The following SRP19 variants were observed in gnomAD, a reference collection of about 807,000 sequenced individuals.
SRP19 encodes signal recognition particle 19.
In SRP19, 11 loss-of-function variants were observed where a neutral mutation model predicts 22.4. That is an observed-to-expected ratio of 0.49 (90% CI 0.31 to 0.81). The LOEUF is 0.81. Among genes scored for constraint, SRP19 ranks in the 40% least tolerant of loss-of-function variants. SRP19 has a pLI of 0.05. For synonymous variants in SRP19, 61 were observed against 57.6 expected, an observed-to-expected ratio of 1.06 and a Z score of -0.27; for missense variants, 168 against 175.9, an observed-to-expected ratio of 0.96 and a Z score of 0.25.
In SRP19 at chr5:112,867,528, A is replaced by G. The variant is rs368517702; in HGVS notation, c.426A>G (p.Lys142=). 15 of 1,611,200 alleles carry G rather than the reference A, an allele frequency of 9.3e-6. No individual in the cohort carries two copies. Among genetic ancestry groups the G allele is most frequent in the Non-Finnish European group, 1.3e-5 (15 of 1,179,140 alleles). Residue 142 remains lysine, a synonymous_variant, in exon 5 of 5, where the codon AAA becomes AAG. Coordinates refer to ENST00000505459, the MANE Select transcript of SRP19 (RefSeq NM_003135.3). ...GEGSKKGKGK[K]KK ...GAAGTAAAAAAGGGAAAGGAAAGAA[A>G]AAGAAGTAACCTAGTATCAGCATCA... is the stretch of plus-strand genomic sequence containing the variant.
exon 5 of SRP19, chr5:112,892,127 C>A (rs534068387): frequency 6.2e-7 from 1 of 1,614,156 alleles, no homozygotes; most frequent in Non-Finnish European, 8.5e-7. Flanking sequence ...AACCCAGAAC[C>A]ACCCGTGGAT....
At chr5:112,878,821 C>A (rs562225362) in intron 4 of SRP19, 2 of 1,614,036 alleles carry the variant, frequency 1.2e-6, no homozygotes, top group Non-Finnish European at 1.7e-6. Flanking sequence ...AGTAAATTCA[C>A]GGTAGCTTTC....
At chr5:112,886,565 G>A (rs1319650594) in intron 4 of SRP19, among the ~76,000 whole-genome samples, 1 of 152,134 alleles carries the variant, frequency 6.6e-6, no homozygotes, top group African/African-American at 2.4e-5. Flanking sequence ...TAAAGATCAA[G>A]AATTTTTTGT....
chr5:112,877,165 C>T (rs1271754575), intron 4 of SRP19: 1 of 152,138 alleles, frequency 6.6e-6, no homozygotes, highest in Non-Finnish European at 1.5e-5. Context: ...CTGTTTTCCT[C>T]CCCAAAATAA....
At chr5:112,863,552 G>A (rs936525805) in intron 2 of SRP19, among the ~76,000 whole-genome samples, 6 of 152,194 alleles carry the variant, frequency 3.9e-5, no homozygotes, top group Non-Finnish European at 5.9e-5. Flanking sequence ...TGTCTTTTGT[G>A]TGTGGGTAGG....
At chr5:112,878,672 T>A in intron 4 of SRP19, 1 of 1,440,518 alleles carries the variant, frequency 6.9e-7, no homozygotes, top group Non-Finnish European at 9.5e-7. Context: ...CTTTAATATC[T>A]CAAAAATGTT....
chr5:112,891,496 A>G, intron 4 of SRP19: 1 of 1,096,180 alleles, frequency 9.1e-7, no homozygotes, highest in Non-Finnish European at 1.3e-6. Context: ...GTAATTTGTA[A>G]TATATATAAG....
intron 4 of SRP19, among the ~76,000 whole-genome samples, chr5:112,874,966 G>C (rs191140288): frequency 2.4e-3 from 367 of 152,196 alleles, no homozygotes; most frequent in Non-Finnish European, 3.9e-3. Context: ...AGGAGAGACA[G>C]GGTTTCACCA....
intron 4 of SRP19, among the ~76,000 whole-genome samples, chr5:112,891,280 C>T (rs818423): frequency 0.4 from 61,362 of 151,688 alleles, 13,706 homozygotes; most frequent in African/African-American, 0.62. Flanking sequence ...GCCATGTTGG[C>T]CAGGCTGGTC....
At chr5:112,861,754 T>C (rs914077404) in intron 1 of SRP19, among the ~76,000 whole-genome samples, 1 of 152,322 alleles carries the variant, frequency 6.6e-6, no homozygotes, top group Middle Eastern at 3.4e-3. Context: ...TCAGAAAGGC[T>C]CATTTGTGAA....
chr5:112,864,926 G>A lies in SRP19; in HGVS notation c.301+194G>A, dbSNP rs2150026101. 1.5e-5 allele frequency: 6 copies of A among 411,254 alleles called. 1 individual carries two copies. In the South Asian group the frequency reaches 4.6e-4, roughly 31 times the overall value. 25.5% of individuals were successfully genotyped at this position (411,254 alleles called of 1,614,324 possible). On this transcript the variant is annotated intron_variant, in intron 4 of 4. Coordinates refer to ENST00000505459, the MANE Select transcript of SRP19 (RefSeq NM_003135.3). ...TGAATGACCTCTTTGAAAATGTAAT[G>A]AGACCCACTAAACATTTTTCAAAAA...
chr5:112,895,062 C>A (rs927035577), downstream of SRP19: 1 of 151,470 alleles, frequency 6.6e-6, no homozygotes, highest in Non-Finnish European at 1.5e-5. Flanking sequence ...CATGGTGAAA[C>A]CCTGTCTCTA....
exon 5 of SRP19, chr5:112,892,449 C>T (rs1293721963): frequency 1.9e-6 from 3 of 1,614,072 alleles, no homozygotes; most frequent in Non-Finnish European, 2.5e-6. Context: ...TGGAACCTCA[C>T]CTGAGGGGCA....
chr5:112,861,583 G>C (rs1210562004), intron 1 of SRP19, among the ~76,000 whole-genome samples, 166 bp downstream of exon 1: 1 of 152,360 alleles, frequency 6.6e-6, no homozygotes, highest in South Asian at 2.1e-4. Flanking sequence ...TCTGAATCCT[G>C]CAGCAGCCAC....
At chr5:112,890,574 C>T (rs1408302850) in intron 4 of SRP19, among the ~76,000 whole-genome samples, 2 of 150,082 alleles carry the variant, frequency 1.3e-5, no homozygotes, top group African/African-American at 2.5e-5. Flanking sequence ...GATGGGGTTT[C>T]GCCATGTTGG....
chr5:112,886,177 G>A (rs916482309), intron 4 of SRP19, among the ~76,000 whole-genome samples: 10 of 152,184 alleles, frequency 6.6e-5, no homozygotes, highest in Admixed American at 5.9e-4. Flanking sequence ...GCCTGCCTGC[G>A]CTTCATTCAA....
chr5:112,879,181 C>G (rs1767988158), intron 4 of SRP19, among the ~76,000 whole-genome samples: 1 of 152,094 alleles, frequency 6.6e-6, no homozygotes, highest in Admixed American at 6.5e-5. Flanking sequence ...CTATTTGTAT[C>G]TGTGTGCTTG....
chr5:112,896,030 C>G (rs1210472662), downstream of SRP19: 1 of 152,512 alleles, frequency 6.6e-6, no homozygotes, highest in Non-Finnish European at 1.5e-5. Flanking sequence ...TGATTTTCCC[C>G]CAGAAGAGAT....
chr5:112,892,267 A>G, exon 5 of SRP19: 2 of 1,614,148 alleles, frequency 1.2e-6, no homozygotes, highest in Non-Finnish European at 1.7e-6. Context: ...TATTAAGAGC[A>G]TGTTTACAAC....
Sources: gnomAD v4.1 joint callset for allele counts (sites outside exome capture counted in the v4.1 genomes callset) on GRCh38, gnomAD v4.1.1 for gene constraint, MANE v1.5 for transcripts, NCBI Gene and HGNC (gene_info 2026-07-23, HGNC 2026-07-21) for gene names.